The following ERG variants were observed in gnomAD, a reference collection of about 807,000 sequenced individuals.
ERG encodes ETS transcription factor ERG.
In ERG, 9 loss-of-function variants were observed where a neutral mutation model predicts 55.3. The ratio of observed to expected loss-of-function variants is 0.16; its 90% confidence interval spans 0.10 to 0.28. The LOEUF is 0.28. Among genes scored for constraint, ERG ranks in the 10% least tolerant of loss-of-function variants. The probability of loss-of-function intolerance (pLI) is 1.00; values close to 1 mark genes in which losing one functional copy is unlikely to be tolerated. For missense variants in ERG, 434 were observed against 631.6 expected (o/e 0.69, Z 3.35); for synonymous variants, 223 against 237.3 (o/e 0.94, Z 0.55).
chr21:38,374,543 CTAAAGG>C, the ERG span, among the ~76,000 whole-genome samples: 1 of 152,160 alleles, frequency 6.6e-6, no homozygotes, highest in East Asian at 1.9e-4. Context: ...ATATATTTAA[CTAAAGG>C]TAAAGGGACC....
At chr21:38,659,424 G>C (rs2060538694) in intron 1 of ERG, among the ~76,000 whole-genome samples, 2 of 152,214 alleles carry the variant, frequency 1.3e-5, no homozygotes, top group African/African-American at 4.8e-5. Flanking sequence ...GGCCTGCCCC[G>C]GGAGCGGGCA....
chr21:38,511,736 A>G (rs976320848), intron 2 of ERG, among the ~76,000 whole-genome samples: 2 of 152,182 alleles, frequency 1.3e-5, no homozygotes, highest in Non-Finnish European at 2.9e-5. Flanking sequence ...ACAGCAATAG[A>G]CCACAGGGTT....
At chr21:38,472,163 A>C (rs1476718839) in intron 1 of ERG, 1 of 152,188 alleles carries the variant, frequency 6.6e-6, no homozygotes, top group Non-Finnish European at 1.5e-5. Flanking sequence ...CCTGGCACAT[A>C]CCAGATGTAA....
chr21:38,631,007 T>C (rs984149901), intron 1 of ERG, among the ~76,000 whole-genome samples: 2 of 152,192 alleles, frequency 1.3e-5, no homozygotes, highest in African/African-American at 4.8e-5. Context: ...ATGCATTTTG[T>C]AGAATTTGAA....
chr21:38,457,492 C>T (rs2059001684), intron 1 of ERG, among the ~76,000 whole-genome samples: 1 of 152,010 alleles, frequency 6.6e-6, no homozygotes, highest in Non-Finnish European at 1.5e-5. Context: ...TCATTCATAT[C>T]CAAACCATCA....
chr21:38,372,896 G>T, the ERG span, among the ~76,000 whole-genome samples: 1 of 151,862 alleles, frequency 6.6e-6, no homozygotes, highest in Admixed American at 6.6e-5. Flanking sequence ...TGTAGTGCAA[G>T]AAATTATTTT....
intron 2 of ERG, among the ~76,000 whole-genome samples, chr21:38,554,532 G>A (rs1435744944): frequency 1.3e-5 from 2 of 152,168 alleles, no homozygotes; most frequent in African/African-American, 4.8e-5. Context: ...TAACATGAAT[G>A]GAGCTGGAGG....
At chr21:38,546,522 C>A (rs920836308) in intron 2 of ERG, among the ~76,000 whole-genome samples, 2 of 152,186 alleles carry the variant, frequency 1.3e-5, no homozygotes, top group African/African-American at 4.8e-5. Context: ...ATTCTTCAGG[C>A]CTTGACACAA....
At chr21:38,520,663 T>C (rs941533946) in intron 2 of ERG, among the ~76,000 whole-genome samples, 6 of 152,170 alleles carry the variant, frequency 3.9e-5, no homozygotes, top group Non-Finnish European at 7.4e-5. Context: ...CGCATCATTC[T>C]AGGGGACGGG....
At chr21:38,420,175 G>A (rs950701470) in intron 3 of ERG, among the ~76,000 whole-genome samples, 1 of 152,120 alleles carries the variant, frequency 6.6e-6, no homozygotes, top group Non-Finnish European at 1.5e-5. Context: ...CCCCAAATCT[G>A]CCTTAGTGAG....
rs1169896419 is a variant in ERG at position 38,460,703 on chromosome 21, G to T, written c.19-15082C>A. 6.6e-6 allele frequency among the ~76,000 whole-genome samples: 1 copy of T among 152,178 alleles called. No individual in the cohort carries two copies. Among genetic ancestry groups the T allele is most frequent in the Non-Finnish European group, 1.5e-5 (1 of 68,034 alleles). On this transcript the variant is annotated intron_variant, in intron 1 of 9. Coordinates refer to ENST00000288319, the MANE Select transcript of ERG (RefSeq NM_182918.4). The surrounding 1 kb of genome is among the most constrained non-coding windows in gnomAD (Gnocchi z 5.0). Reference sequence around the variant, plus strand: ...TCCCACCCACCCATCCACTAATAGGGCAGCCTTTAGGGAAACTGACTTGTG... The same window carrying T: ...TCCCACCCACCCATCCACTAATAGGTCAGCCTTTAGGGAAACTGACTTGTG...
At chr21:38,450,838 G>A (rs1417228432) in intron 1 of ERG, 1 of 447,452 alleles carries the variant, frequency 2.2e-6, no homozygotes, top group Non-Finnish European at 4.5e-6. Context: ...TATATCCAAT[G>A]ACATCTTACA....
chr21:38,527,166 G>C (rs576453401), intron 2 of ERG, among the ~76,000 whole-genome samples: 2 of 152,296 alleles, frequency 1.3e-5, no homozygotes, highest in Non-Finnish European at 2.9e-5. Context: ...TCCCACACTA[G>C]CCCTTGGTGA....
downstream of ERG, among the ~76,000 whole-genome samples, chr21:38,377,945 T>C (rs892401052): frequency 2.6e-5 from 4 of 152,240 alleles, no homozygotes; most frequent in Admixed American, 6.5e-5. Flanking sequence ...AAAGTTCATT[T>C]ATCCCATCAG....
At chr21:38,564,829 A>G (rs892008833) in intron 2 of ERG, among the ~76,000 whole-genome samples, 4 of 152,002 alleles carry the variant, frequency 2.6e-5, no homozygotes, top group Non-Finnish European at 5.9e-5. Context: ...CTCAACCCTA[A>G]TGCTCTTCTG....
At position 38,597,471 on chromosome 21, in the gene ERG, C is replaced by CCACA. The variant is rs1568939720; in HGVS notation, c.-149-12527_-149-12526insTGTG. Among the ~76,000 whole-genome samples the CCACA allele has an allele frequency of 6.3e-3, 205 of 32,690 alleles. 1 individual carries two copies. The highest frequency in any genetic ancestry group is 0.018 in the African/African-American group (159 of 8,876). The allele number at this position is 32,690 out of a possible 152,430, so 21.4% of individuals were successfully genotyped here. The stretch of plus-strand genomic sequence containing the variant: ...AATATAGAGAGATATCTATATATAT[C>CCACA]TACACACACACACACACACACACAC... On this transcript the variant is annotated intron_variant, in intron 1 of 10. Coordinates refer to the ERG transcript ENST00000398910.
At chr21:38,419,096 G>A (rs1989422445) in intron 3 of ERG, among the ~76,000 whole-genome samples, 1 of 152,092 alleles carries the variant, frequency 6.6e-6, no homozygotes, top group Admixed American at 6.6e-5. Context: ...TTGGGTTTAC[G>A]ACAGTGTAAG....
chr21:38,645,006 A>G, intron 1 of ERG, among the ~76,000 whole-genome samples: 1 of 152,122 alleles, frequency 6.6e-6, no homozygotes, highest in East Asian at 1.9e-4. Context: ...AAATATTTTA[A>G]AACTTAGCCG....
intron 1 of ERG, among the ~76,000 whole-genome samples, chr21:38,627,273 C>T (rs2060330601): frequency 6.6e-6 from 1 of 152,042 alleles, no homozygotes; most frequent in Admixed American, 6.5e-5. Flanking sequence ...ATTGCCAAGA[C>T]ATTAATGTAA....
Sources: allele counts gnomAD v4.1 joint callset (sites outside exome capture counted in the v4.1 genomes callset), GRCh38; gene constraint gnomAD v4.1.1; non-coding constraint Gnocchi (gnomAD v3.1); transcripts MANE v1.5; gene names NCBI Gene and HGNC (gene_info 2026-07-23, HGNC 2026-07-21).